The following JCAD variants were observed in gnomAD, a reference collection of about 807,000 sequenced individuals.
JCAD encodes the protein junctional cadherin 5 associated.
Under a neutral mutation model 98.0 loss-of-function variants are expected in JCAD, and 40 were observed. The observed-to-expected ratio is 0.41, with a 90% CI of 0.32 to 0.53. JCAD has a LOEUF of 0.53. Ranked by LOEUF, JCAD falls within the 20% of genes least tolerant of loss-of-function variation. The probability of loss-of-function intolerance (pLI) is 0.31; values close to 1 mark genes in which losing one functional copy is unlikely to be tolerated. For missense variants in JCAD, 1,705 were observed against 1,738.1 expected, an observed-to-expected ratio of 0.98 and a Z score of 0.34; for synonymous variants, 691 against 682.3, an observed-to-expected ratio of 1.01 and a Z score of -0.20.
intron 1 of JCAD, among the ~76,000 whole-genome samples, chr10:30,053,363 C>A (rs1333953843): frequency 6.6e-6 from 1 of 152,008 alleles, no homozygotes; most frequent in African/African-American, 2.4e-5. Flanking sequence ...GAGTTAGAGA[C>A]CAGCCTGGCC....
At chr10:30,072,188 G>A (rs533358897) in intron 1 of JCAD, among the ~76,000 whole-genome samples, 5 of 152,034 alleles carry the variant, frequency 3.3e-5, no homozygotes, top group Non-Finnish European at 5.9e-5. Context: ...AGGGAGGGGA[G>A]AGGGATATAA....
chr10:30,029,088 G>A lies in JCAD; in HGVS notation c.1060C>T (p.Pro354Ser). 1 of 1,614,148 alleles carries A rather than the reference G, an allele frequency of 6.2e-7. No individual in the cohort carries two copies. The highest frequency in any genetic ancestry group is 8.5e-7 in the Non-Finnish European group (1 of 1,180,034). ...PSYRSPPQNI[P>S]NPYLEDTVPI... is the part of the protein sequence containing the mutation. Reference sequence around the variant, plus strand: ...ACCGTGTCTTCCAAGTAGGGGTTTGGGATGTTCTGCGGGGGCGATCTGTAT... The same window carrying A: ...ACCGTGTCTTCCAAGTAGGGGTTTGAGATGTTCTGCGGGGGCGATCTGTAT... The change falls in exon 3 of 4, where the codon CCA becomes TCA. Residue 354 changes from proline to serine, a missense_variant. This residue lies in a region of JCAD where 275 missense variants were observed against 346.9 expected (regional missense o/e 0.79). Coordinates refer to ENST00000375377, the MANE Select transcript of JCAD (RefSeq NM_020848.4).
In JCAD at chr10:30,088,478, A is replaced by G. The variant is rs1838203063; in HGVS notation, n.129-18657T>C. On this transcript the variant is annotated intron_variant and non_coding_transcript_variant, in intron 1 of 2. Coordinates refer to the JCAD transcript ENST00000465712. ...AGAGAGATCGGTCAGCTTAGTGTTC[A>G]GGTTTTAAATCAAGTAGTTTGGGAG... Among the ~76,000 whole-genome samples the G allele has an allele frequency of 2.0e-5, 3 of 152,286 alleles. No homozygotes were observed. The South Asian group carries it at 6.2e-4, about 32-fold the overall frequency.
At chr10:30,109,968 C>T (rs957643550) in intron 1 of JCAD, among the ~76,000 whole-genome samples, 1 of 151,908 alleles carries the variant, frequency 6.6e-6, no homozygotes, top group Admixed American at 6.6e-5. Flanking sequence ...GTATGGACCC[C>T]CTGATATATG....
At chr10:30,067,629 A>G (rs771790289) in intron 2 of JCAD, among the ~76,000 whole-genome samples, 9 of 152,120 alleles carry the variant, frequency 5.9e-5, no homozygotes, top group African/African-American at 9.7e-5. Flanking sequence ...CAACTGGCCA[A>G]GAACTATCTT....
At chr10:30,020,743 C>T (rs1416929303) in intron 3 of JCAD, among the ~76,000 whole-genome samples, 1 of 152,180 alleles carries the variant, frequency 6.6e-6, no homozygotes, top group Admixed American at 6.5e-5. Context: ...TTTCTGTGCT[C>T]AATCAGCCTC....
chr10:30,103,740 T>TC (rs1564473497), intron 1 of JCAD, among the ~76,000 whole-genome samples: 2 of 147,606 alleles, frequency 1.4e-5, no homozygotes, highest in Non-Finnish European at 1.5e-5. Flanking sequence ...TTTCTTTTTT[T>TC]TTTTTTTTTT....
chr10:30,017,861 T>C lies in JCAD; in HGVS notation c.*22A>G, dbSNP rs755821724. The C allele has an allele frequency of 1.2e-6, 2 of 1,608,996 alleles. No individual in the cohort carries two copies. The highest frequency in any genetic ancestry group is 2.2e-5 in the South Asian group (2 of 90,908). On this transcript the variant is annotated 3_prime_UTR_variant, in exon 4 of 4. Transcript: ENST00000375377. The stretch of plus-strand genomic sequence containing the variant: ...TGAGAATACTCAATTCGCAACGGAA[T>C]GCAAGCTCCACCGGCATTTCATCAC...
intron 1 of JCAD, among the ~76,000 whole-genome samples, chr10:30,111,269 T>A (rs751383550): frequency 1.3e-5 from 2 of 152,196 alleles, no homozygotes; most frequent in Non-Finnish European, 2.9e-5. Context: ...AGGGGTTACT[T>A]CTTCTTGGGT....
chr10:30,034,581 C>G (rs575338078), intron 2 of JCAD, among the ~76,000 whole-genome samples: 3 of 152,220 alleles, frequency 2.0e-5, no homozygotes, highest in Admixed American at 1.3e-4. Flanking sequence ...TTTTGAAAGC[C>G]ATCGTCACTG....
chr10:30,085,758 C>T (rs745584717), intron 1 of JCAD, among the ~76,000 whole-genome samples: 9 of 152,154 alleles, frequency 5.9e-5, no homozygotes, highest in African/African-American at 9.7e-5. Flanking sequence ...TTCTAGCATC[C>T]GTCATGACTT....
chr10:30,042,577 CA>C (rs1837263050), intron 2 of JCAD, among the ~76,000 whole-genome samples: 1 of 152,058 alleles, frequency 6.6e-6, no homozygotes, highest in Non-Finnish European at 1.5e-5. Context: ...GGAAGAGGAG[CA>C]AAACAAGTAC....
chr10:30,016,551 A>G lies in JCAD; in HGVS notation c.*1332T>C, dbSNP rs950686046. On this transcript the variant is annotated 3_prime_UTR_variant, in exon 4 of 4. Coordinates refer to ENST00000375377, the MANE Select transcript of JCAD (RefSeq NM_020848.4). ...AAACACAGTAGAATACATAGGCCTC[A>G]TAATGCTTTTGTAATGGCATATATA... 9 of 152,204 alleles carry G rather than the reference A, an allele frequency of 5.9e-5. No individual in the cohort carries two copies. The highest frequency in any genetic ancestry group is 1.2e-4 in the Non-Finnish European group (8 of 68,036). 9.4% of individuals were successfully genotyped at this position (152,204 alleles called of 1,614,324 possible).
At chr10:30,113,478 T>C (rs1213402395) in intron 1 of JCAD, among the ~76,000 whole-genome samples, 9 of 132,042 alleles carry the variant, frequency 6.8e-5, no homozygotes, top group Non-Finnish European at 1.2e-4. Flanking sequence ...TTGAACCCAG[T>C]AGGTGGAGGT....
chr10:30,114,578 TAAA>T lies in JCAD; in HGVS notation n.128+786_128+788del, dbSNP rs11360136. Among the ~76,000 whole-genome samples the T allele has an allele frequency of 4.6e-3, 571 of 124,670 alleles. 2 individuals are homozygous for T. The highest frequency in any genetic ancestry group is 0.01 in the African/African-American group (327 of 31,904). The allele number at this position is 124,670 out of a possible 152,430, so 81.8% of individuals were successfully genotyped here. On this transcript the variant is annotated intron_variant and non_coding_transcript_variant, in intron 1 of 2. Transcript: ENST00000465712. ...GCCAAAAAACACAAAACAGCACAAT[TAAA>T]AAAAAAAAAAAAAAAAAAACCAGGA...
At chr10:30,092,002 T>G (rs1838274916) in intron 1 of JCAD, among the ~76,000 whole-genome samples, 2 of 111,854 alleles carry the variant, frequency 1.8e-5, no homozygotes, top group Admixed American at 2.3e-4. Context: ...CACTCCAGCC[T>G]GGGCAACAGA....
At position 30,026,249 on chromosome 10, in the gene JCAD, C is replaced by T. The variant is rs1836790581; in HGVS notation, c.3899G>A (p.Gly1300Glu). ...ATTRGQAGLP[G>E]GLVSPGSGDR... ...CCCACTGCCAGGAGACACAAGGCCT[C>T]CCGGGAGCCCGGCCTGGCCCCTTGT... is the stretch of plus-strand genomic sequence containing the variant. Residue 1300 changes from glycine (G) to glutamate (E), a missense_variant, in exon 3 of 4, where the codon GGA becomes GAA. Transcript: ENST00000375377. 6.2e-7 allele frequency: 1 copy of T among 1,613,856 alleles called. No individual in the cohort carries two copies. The highest frequency in any genetic ancestry group is 8.5e-7 in the Non-Finnish European group (1 of 1,180,054).
At chr10:30,058,237 C>A (rs933474292) in intron 1 of JCAD, among the ~76,000 whole-genome samples, 5 of 152,160 alleles carry the variant, frequency 3.3e-5, no homozygotes, top group Admixed American at 2.0e-4. Context: ...AGAAACATCA[C>A]ATTAAACTGT....
chr10:30,037,063 A>G (rs1837127676), intron 2 of JCAD, among the ~76,000 whole-genome samples: 1 of 152,210 alleles, frequency 6.6e-6, no homozygotes, highest in South Asian at 2.1e-4. Context: ...AAGAGCCAGG[A>G]GCAGCGTTCT....
Sources: allele counts gnomAD v4.1 joint callset (sites outside exome capture counted in the v4.1 genomes callset), GRCh38; gene constraint gnomAD v4.1.1; regional missense constraint gnomAD v4.1.1; transcripts MANE v1.5; gene names NCBI Gene and HGNC (gene_info 2026-07-23, HGNC 2026-07-21).